Variants in TCF4 observed in about 807,000 individuals in gnomAD.
TCF4 encodes the protein SL3-3 enhancer factor 2.
In TCF4, 3 loss-of-function variants were observed where a neutral mutation model predicts 82.1. The observed-to-expected ratio is 0.04, with a 90% confidence interval of 0.02 to 0.09. The LOEUF (loss-of-function observed/expected upper bound fraction) is 0.09, where lower values mean the gene tolerates loss of function less well. TCF4 is among the 10% of genes least tolerant of loss of function. The probability of loss-of-function intolerance (pLI) is 1.00; values close to 1 mark genes in which losing one functional copy is unlikely to be tolerated. For missense variants in TCF4, 518 were observed against 852.7 expected (o/e 0.61, Z 4.89); for synonymous variants, 276 against 309.6 (o/e 0.89, Z 1.14).
chr18:55,472,982 T>A (rs2096218187), intron 3 of TCF4, among the ~76,000 whole-genome samples: 1 of 152,214 alleles, frequency 6.6e-6, no homozygotes. Context: ...CTAATAAAAC[T>A]GAATATATAC....
At chr18:55,376,507 ATTC>A (rs1235767148) in intron 6 of TCF4, among the ~76,000 whole-genome samples, 1 of 152,070 alleles carries the variant, frequency 6.6e-6, no homozygotes, top group Non-Finnish European at 1.5e-5. Flanking sequence ...CTCCAACCCA[ATTC>A]TTCTTTTCAT....
At chr18:55,247,004 C>A (rs953992514) in intron 15 of TCF4, among the ~76,000 whole-genome samples, 3 of 152,172 alleles carry the variant, frequency 2.0e-5, no homozygotes, top group African/African-American at 7.2e-5. Flanking sequence ...TTTGGTTCCA[C>A]CAGAGCAAGG....
At chr18:55,397,417 A>G (rs1252923971) in intron 6 of TCF4, among the ~76,000 whole-genome samples, 4 of 152,194 alleles carry the variant, frequency 2.6e-5, no homozygotes, top group Non-Finnish European at 5.9e-5. Context: ...TGGTCTCTTT[A>G]AAGTCACTAT....
At position 55,439,253 on chromosome 18, in the gene TCF4, G is replaced by A. The variant is rs537134857; in HGVS notation, c.304+21766C>T. Among the ~76,000 whole-genome samples, 6 of 152,282 alleles carry A rather than the reference G, an allele frequency of 3.9e-5. No individual in the cohort carries two copies. The East Asian group carries it at 7.7e-4, about 20-fold the overall frequency. On this transcript the variant is annotated intron_variant, in intron 5 of 19. Coordinates refer to ENST00000354452, the MANE Select transcript of TCF4 (RefSeq NM_001083962.2). Reference sequence around the variant, plus strand: ...AGTTTTGTTTGCAGCACAGGGGATGGAGGAGAGCTTGGGAAGAGAGGGATC... The same window carrying A: ...AGTTTTGTTTGCAGCACAGGGGATGAAGGAGAGCTTGGGAAGAGAGGGATC...
rs1212656712 is a variant in TCF4 at position 55,391,955 on chromosome 18, CTTTTTTTTTTTT to C, written c.369+11487_369+11498del. Among the ~76,000 whole-genome samples, 4 of 61,696 alleles carry C rather than the reference CTTTTTTTTTTTT, an allele frequency of 6.5e-5. No individual in the cohort carries two copies. In the East Asian group the frequency reaches 1.7e-3, roughly 26 times the overall value. The allele number at this position is 61,696 out of a possible 152,430, so 40.5% of individuals were successfully genotyped here. Reference sequence around the variant, plus strand: ...TTCATCTAAAAGAAAAAAAAAAAATCTTTTTTTTTTTTTTTTTTTTTTTTTTGAGACAGAGTC... The same window carrying C: ...TTCATCTAAAAGAAAAAAAAAAAATCTTTTTTTTTTTTTTGAGACAGAGTC... On this transcript the variant is annotated intron_variant, in intron 6 of 19. Coordinates refer to ENST00000354452, the MANE Select transcript of TCF4 (RefSeq NM_001083962.2).
At chr18:55,268,180 C>T (rs1375003615) in intron 11 of TCF4, 2 of 152,080 alleles carry the variant, frequency 1.3e-5, no homozygotes, top group Middle Eastern at 3.2e-3. Context: ...ATGTTTTCCT[C>T]AACTCAAGGT....
At chr18:55,359,365 T>C (rs1313025524) in intron 6 of TCF4, among the ~76,000 whole-genome samples, 2 of 152,226 alleles carry the variant, frequency 1.3e-5, no homozygotes, top group Non-Finnish European at 2.9e-5. Context: ...TTCCACTTCA[T>C]CTGAAAAATT....
chr18:55,243,447 C>T (rs952756848), intron 15 of TCF4, among the ~76,000 whole-genome samples: 3 of 152,110 alleles, frequency 2.0e-5, no homozygotes, highest in African/African-American at 4.8e-5. Context: ...TCTTTCATCT[C>T]GCAGCTATAC....
chr18:55,269,717 T>A, intron 11 of TCF4, 114 bp downstream of exon 11: 2 of 1,317,840 alleles, frequency 1.5e-6, no homozygotes, highest in Non-Finnish European at 2.2e-6. Flanking sequence ...TTCTGTCATG[T>A]GACTAATATT....
intron 15 of TCF4, among the ~76,000 whole-genome samples, chr18:55,244,131 C>T (rs1245010710): frequency 6.6e-6 from 1 of 152,138 alleles, no homozygotes; most frequent in Non-Finnish European, 1.5e-5. Context: ...GGGGAGGAGG[C>T]TTACTTCCTT....
intron 2 of TCF4, among the ~76,000 whole-genome samples, chr18:55,628,353 A>G (rs773218865): frequency 2.6e-5 from 4 of 152,154 alleles, no homozygotes; most frequent in Admixed American, 1.3e-4. Flanking sequence ...GCATCTTCCA[A>G]TGAAAATCCT....
intron 6 of TCF4, among the ~76,000 whole-genome samples, chr18:55,379,043 A>C (rs1157863396): frequency 6.6e-6 from 1 of 152,212 alleles, no homozygotes; most frequent in Non-Finnish European, 1.5e-5. Context: ...CAGTTATGTG[A>C]CATTTTCTGA....
intron 16 of TCF4, among the ~76,000 whole-genome samples, chr18:55,233,129 T>A (rs959695678): frequency 2.6e-5 from 4 of 152,236 alleles, no homozygotes; most frequent in Admixed American, 6.5e-5. Flanking sequence ...ATTCTGAAAT[T>A]AGGCTTCTCT....
rs2097717488 is a variant in TCF4, at chr18:55,621,076, A to C, written c.286+10222T>G. Among the ~76,000 whole-genome samples, 3 of 152,146 alleles carry C rather than the reference A, an allele frequency of 2.0e-5. No homozygotes were observed. In the South Asian group the frequency reaches 6.2e-4, roughly 32 times the overall value. On this transcript the variant is annotated intron_variant, in intron 2 of 20. Transcript: ENST00000398339. The stretch of plus-strand genomic sequence containing the variant: ...TAAAGAAATCAGAGCTTAGTTATCT[A>C]TAATGTTGATTCTAAAAGGTTACGA...
At chr18:55,346,890 T>G (rs1361745875) in intron 8 of TCF4, among the ~76,000 whole-genome samples, 1 of 152,196 alleles carries the variant, frequency 6.6e-6, no homozygotes, top group Non-Finnish European at 1.5e-5. Flanking sequence ...ATTTTAGTAC[T>G]TTCATGTTAA....
chr18:55,322,356 T>TA, intron 8 of TCF4: 1 of 997,166 alleles, frequency 1.0e-6, no homozygotes, highest in Non-Finnish European at 1.2e-6. Flanking sequence ...TGCTGCTGGC[T>TA]AGCTCCCAGC....
chr18:55,465,275 C>T (rs1486624423), intron 3 of TCF4, among the ~76,000 whole-genome samples: 2 of 152,050 alleles, frequency 1.3e-5, no homozygotes, highest in African/African-American at 2.4e-5. Flanking sequence ...TTTATTATTA[C>T]TGCTATTTTA....
At chr18:55,494,136 CA>C (rs1376582842) in intron 3 of TCF4, among the ~76,000 whole-genome samples, 1 of 128,992 alleles carries the variant, frequency 7.8e-6, no homozygotes, top group Admixed American at 8.0e-5. Flanking sequence ...CAAAACACAG[CA>C]ATGTGATTGA....
At chr18:55,408,794 C>T (rs2094211829) in intron 5 of TCF4, among the ~76,000 whole-genome samples, 1 of 151,054 alleles carries the variant, frequency 6.6e-6, no homozygotes, top group Admixed American at 6.6e-5. Flanking sequence ...TAGCACTATG[C>T]TATGCTGCTG....
Sources: gnomAD v4.1 joint callset for allele counts (sites outside exome capture counted in the v4.1 genomes callset) on GRCh38, gnomAD v4.1.1 for gene constraint, MANE v1.5 for transcripts, NCBI Gene and HGNC (gene_info 2026-07-23, HGNC 2026-07-21) for gene names.